Variants in SCRIB observed in about 807,000 individuals in gnomAD.
SCRIB encodes protein scribble homolog.
In SCRIB, 72 loss-of-function variants were observed where a neutral mutation model predicts 170.0. The observed-to-expected ratio is 0.42, with a 90% confidence interval of 0.35 to 0.52. The LOEUF is 0.52. SCRIB is among the 20% of genes least tolerant of loss of function. The pLI is 0.02. For missense variants in SCRIB, 2,475 were observed against 2,338.5 expected (o/e 1.06, Z -1.20); for synonymous variants, 1,298 against 1,044.3 (o/e 1.24, Z -4.68).
chr8:143,810,795 C>A lies in SCRIB; in HGVS notation c.1295G>T (p.Ser432Ile), dbSNP rs753280302. 2 of 1,602,660 alleles carry A rather than the reference C, an allele frequency of 1.2e-6. No individual in the cohort carries two copies. The highest frequency in any genetic ancestry group is 1.7e-6 in the Non-Finnish European group (2 of 1,177,114). ...PSLEDAGQQG[S>I]LSETWSDAPP... ...GGCATCGCTCCAGGTCTCCGAGAGGCTCCCCTGCTGCCCAGCATCCTCTGC... is the reference window on the plus strand; with the variant it reads ...GGCATCGCTCCAGGTCTCCGAGAGGATCCCCTGCTGCCCAGCATCCTCTGC... Residue 432 changes from serine to isoleucine, a missense_variant, in exon 12 of 37, where the codon AGC becomes ATC. Transcript: ENST00000356994.
Position 143,804,592 on chromosome 8 carries a change from C to A in SCRIB, c.2985G>T (p.Ala995=), listed in dbSNP as rs782591620. The A allele has an allele frequency of 1.3e-6, 2 of 1,513,998 alleles. No individual in the cohort carries two copies. Among genetic ancestry groups the A allele is most frequent in the East Asian group, 4.5e-5 (2 of 43,990 alleles). The allele number at this position is 1,513,998 out of a possible 1,614,324, so 93.8% of individuals were successfully genotyped here. ...CCTCCACTGGGTATGGCCCTTCCAACGCGGCAGCCAGCAGGCTGGGGGCCA... is the reference window on the plus strand; with the variant it reads ...CCTCCACTGGGTATGGCCCTTCCAAAGCGGCAGCCAGCAGGCTGGGGGCCA... ...PSLAPSLLAA[A]LEGPYPVEEI... is the part of the protein sequence containing the mutation. Residue 995 remains alanine, a synonymous_variant, in exon 21 of 37, where the codon GCG becomes GCT. Coordinates refer to ENST00000356994, the MANE Select transcript of SCRIB (RefSeq NM_182706.5).
chr8:143,805,501 G>A (rs1554636366), intron 18 of SCRIB, 66 bp from the exon 19 acceptor site: 3 of 1,373,804 alleles, frequency 2.2e-6, no homozygotes, highest in African/African-American at 1.5e-5. Flanking sequence ...CGTGCTGGGG[G>A]CTCCACACGC....
chr8:143,793,509 T>C (rs1554633484), intron 28 of SCRIB: 1 of 286,804 alleles, frequency 3.5e-6, no homozygotes, highest in Non-Finnish European at 6.5e-6. Flanking sequence ...CTGGGTCTCA[T>C]GGGGGCTGCC....
intron 28 of SCRIB, chr8:143,793,451 C>G (rs1197419392): frequency 3.3e-6 from 1 of 299,142 alleles, no homozygotes; most frequent in Admixed American, 4.8e-5. Flanking sequence ...GAGAGACCGA[C>G]CAACCTGGGT....
chr8:143,810,342 C>T, intron 13 of SCRIB, 137 bp downstream of exon 13: 1 of 1,327,604 alleles, frequency 7.5e-7, no homozygotes, highest in Non-Finnish European at 1.0e-6. Flanking sequence ...CTCCATGTCC[C>T]TGAAACCTGT....
At chr8:143,809,167 G>A in intron 14 of SCRIB, 142 bp from the exon 15 acceptor site, 2 of 1,155,362 alleles carry the variant, frequency 1.7e-6, no homozygotes, top group South Asian at 1.6e-5. Context: ...CCAGTGAGGG[G>A]CGCGTGTCTC....
At chr8:143,792,441 G>A in intron 31 of SCRIB, 36 bp from the exon 32 acceptor site, 7 of 1,510,030 alleles carry the variant, frequency 4.6e-6, no homozygotes, top group Non-Finnish European at 6.2e-6. Context: ...GGGGGGCAGG[G>A]GCACGTGGGG....
At chr8:143,810,456 G>A in intron 13 of SCRIB, 23 bp downstream of exon 13, 1 of 1,601,152 alleles carries the variant, frequency 6.2e-7, no homozygotes, top group South Asian at 1.1e-5. Context: ...CGGCCCGCCA[G>A]GTTGCCGTGG....
At chr8:143,812,490 T>A (rs1815784739) in intron 8 of SCRIB, 106 bp from the exon 9 acceptor site, 2 of 876,052 alleles carry the variant, frequency 2.3e-6, no homozygotes, top group African/African-American at 1.7e-5. Context: ...CCCCAGCCCC[T>A]TCTGCCGCCG....
intron 15 of SCRIB, 118 bp from the exon 16 acceptor site, chr8:143,807,732 G>C (rs111841846): frequency 1.2e-6 from 1 of 821,568 alleles, no homozygotes; most frequent in Non-Finnish European, 2.1e-6. Context: ...AAGCTCCCTC[G>C]ACTGCCCTGG....
At chr8:143,807,093 G>A (rs1053809209) in intron 16 of SCRIB, 80 bp from the exon 17 acceptor site, 42 of 1,008,092 alleles carry the variant, frequency 4.2e-5, no homozygotes, top group Admixed American at 8.7e-5. Flanking sequence ...CCACCAGCAC[G>A]CAGATGCCAT....
intron 24 of SCRIB, 134 bp downstream of exon 24, chr8:143,803,249 G>T: frequency 1.2e-6 from 1 of 845,854 alleles, no homozygotes; most frequent in South Asian, 1.9e-5. Context: ...CCGCACGGCT[G>T]ATGCAGAGCC....
chr8:143,808,943 G>A lies in SCRIB; in HGVS notation c.1781C>T (p.Thr594Ile), dbSNP rs370247342. The A allele has an allele frequency of 5.6e-6, 9 of 1,612,608 alleles. No individual in the cohort carries two copies. The highest frequency in any genetic ancestry group is 7.6e-6 in the Non-Finnish European group (9 of 1,180,004). Residue 594 changes from threonine (T) to isoleucine (I), a missense_variant, in exon 15 of 37, where the codon ACC becomes ATC. Thr to Ile is a moderately conservative substitution (Grantham distance 89). Coordinates refer to ENST00000356994, the MANE Select transcript of SCRIB (RefSeq NM_182706.5). Reference sequence around the variant, plus strand: ...GAGCCGCTGCCTCCCGCCTGGCAGGGTCCAGGGGGCCTCAGGCTGCCCCTC... The same window carrying A: ...GAGCCGCTGCCTCCCGCCTGGCAGGATCCAGGGGGCCTCAGGCTGCCCCTC... ...IEEGQPEAPWTLPGGRQRLIR... is the reference protein window; with the variant it reads ...IEEGQPEAPWILPGGRQRLIR...
At chr8:143,800,928 G>C (rs557121540) in intron 24 of SCRIB, among the ~76,000 whole-genome samples, 1 of 151,786 alleles carries the variant, frequency 6.6e-6, no homozygotes, top group African/African-American at 2.4e-5. Context: ...GTCGGTTTCT[G>C]CACAGAACTT....
chr8:143,803,326 CACA>C (rs1815252807), intron 24 of SCRIB, 54 bp downstream of exon 24: 1 of 1,459,690 alleles, frequency 6.9e-7, no homozygotes, highest in Non-Finnish European at 9.1e-7. Context: ...GTCAGCGGCT[CACA>C]ACACCTTGGG....
rs1815572030 is a variant in SCRIB at position 143,808,994 on chromosome 8, A to G, written c.1730T>C (p.Leu577Pro). The change falls in exon 15 of 37, where the codon CTG becomes CCG. Residue 577 changes from leucine (L) to proline (P), a missense_variant. Coordinates refer to ENST00000356994, the MANE Select transcript of SCRIB (RefSeq NM_182706.5). The stretch of plus-strand genomic sequence containing the variant: ...CTCGATCTCCCTGTCATCCCCGGGC[A>G]GCAGTGCGTCCTCTGCGAAATGCAC... ...PTVHFAEDAL[L>P]PGDDREIEEG... 6.2e-7 allele frequency: 1 copy of G among 1,613,052 alleles called. No homozygotes were observed. The highest frequency in any genetic ancestry group is 8.5e-7 in the Non-Finnish European group (1 of 1,179,920).
rs970936933 is a variant in SCRIB at position 143,815,617 on chromosome 8, A to AGCGGCG, written c.-251_-246dup. On this transcript the variant is annotated 5_prime_UTR_variant, in exon 1 of 37. Coordinates refer to ENST00000356994, the MANE Select transcript of SCRIB (RefSeq NM_182706.5). ...TCTCAGACTCTTAGGAAGCGCGGGG[A>AGCGGCG]GCGGCGGCGGCGGCGGCTCCGCATC... 1.4e-5 allele frequency: 14 copies of AGCGGCG among 980,334 alleles called. No homozygotes were observed. The highest frequency in any genetic ancestry group is 1.2e-4 in the East Asian group (1 of 8,686). The allele number at this position is 980,334 out of a possible 1,614,324, so 60.7% of individuals were successfully genotyped here.
intron 9 of SCRIB, 81 bp from the exon 10 acceptor site, chr8:143,811,426 CA>C: frequency 7.8e-7 from 1 of 1,285,858 alleles, no homozygotes; most frequent in African/African-American, 1.5e-5. Context: ...CAGGAGGGCA[CA>C]GACACCCCAG....
At chr8:143,813,565 A>T (rs1815859948) in intron 4 of SCRIB, 39 bp from the exon 5 acceptor site, 1 of 1,612,902 alleles carries the variant, frequency 6.2e-7, no homozygotes, top group East Asian at 2.2e-5. Flanking sequence ...GAGGAAGGAA[A>T]GCAGTGGCAG....
Sources: allele counts gnomAD v4.1 joint callset (sites outside exome capture counted in the v4.1 genomes callset), GRCh38; gene constraint gnomAD v4.1.1; transcripts MANE v1.5; gene names NCBI Gene and HGNC (gene_info 2026-07-23, HGNC 2026-07-21).